The following DOK5 variants were observed in gnomAD, a reference collection of about 807,000 sequenced individuals.
DOK5 encodes the protein docking protein 5, also known as downstream of tyrosine kinase 5.
Under a neutral mutation model 43.3 loss-of-function variants are expected in DOK5, and 27 were observed. The ratio of observed to expected loss-of-function variants is 0.62; its 90% CI spans 0.46 to 0.86. The LOEUF is 0.86. Among genes scored for constraint, DOK5 ranks in the 40% least tolerant of loss-of-function variants. The pLI is 0.00. For synonymous variants in DOK5, 146 were observed against 140.1 expected (o/e 1.04, Z -0.30); for missense variants, 373 against 392.9 (o/e 0.95, Z 0.43).
Position 54,555,040 on chromosome 20 carries a change from G to A in DOK5, c.174G>A (p.Lys58=). 3.1e-6 allele frequency: 5 copies of A among 1,601,702 alleles called. No individual in the cohort carries two copies. Among genetic ancestry groups the A allele is most frequent in the Non-Finnish European group, 4.3e-6 (5 of 1,168,760 alleles). Residue 58 remains lysine, a splice_region_variant and synonymous_variant, in exon 2 of 8, where the codon AAG becomes AAA. Transcript: ENST00000262593. ...CTGCATATTTCAGGTGTTATCATAAGGTAAGACTCAATTGCTGTAGCTTTC... is the reference window on the plus strand; with the variant it reads ...CTGCATATTTCAGGTGTTATCATAAAGTAAGACTCAATTGCTGTAGCTTTC... The part of the protein sequence containing the change: ...ERAAYFRCYH[K]VTELNNVKNV...
Position 54,613,192 on chromosome 20 carries a change from A to ATCTCTCTC in DOK5, c.735+2688_735+2695dup, listed in dbSNP as rs11468450. Among the ~76,000 whole-genome samples, 6 of 143,088 alleles carry ATCTCTCTC rather than the reference A, an allele frequency of 4.2e-5. 1 individual carries two copies. The highest frequency in any genetic ancestry group is 1.3e-4 in the African/African-American group (5 of 39,972). The allele number at this position is 143,088 out of a possible 152,430, so 93.9% of individuals were successfully genotyped here. ...CTAAGCCCATTTACATCTGCGCCTC[A>ATCTCTCTC]TCTCTCTCTCTCTCTCTCTCTCTCT... On this transcript the variant is annotated intron_variant, in intron 6 of 7. Transcript: ENST00000262593.
At chr20:54,622,943 T>C (rs1987028216) in intron 6 of DOK5, among the ~76,000 whole-genome samples, 1 of 152,062 alleles carries the variant, frequency 6.6e-6, no homozygotes, top group Non-Finnish European at 1.5e-5. Flanking sequence ...TTTGAAATGG[T>C]GGTAGCAGGG....
intron 2 of DOK5, among the ~76,000 whole-genome samples, chr20:54,561,370 G>GT (rs905068648): frequency 2.0e-5 from 3 of 152,200 alleles, no homozygotes; most frequent in Non-Finnish European, 4.4e-5. Flanking sequence ...AGAGAGATAT[G>GT]TTCCTGCAAC....
rs551608074 is a variant in DOK5 at position 54,514,688 on chromosome 20, G to A, written c.66+38676G>A. Among the ~76,000 whole-genome samples, 5 of 149,904 alleles carry A rather than the reference G, an allele frequency of 3.3e-5. No homozygotes were observed. In the East Asian group the frequency reaches 9.9e-4, roughly 30 times the overall value. On this transcript the variant is annotated intron_variant, in intron 1 of 7. Coordinates refer to ENST00000262593, the MANE Select transcript of DOK5 (RefSeq NM_018431.5). The stretch of plus-strand genomic sequence containing the variant: ...GAGGAGGAATATGGTGTCTCTTTGG[G>A]ACTTGAGGTCATGTAAAACTGATGT...
At chr20:54,519,170 C>A (rs1157684345) in intron 1 of DOK5, among the ~76,000 whole-genome samples, 1 of 152,192 alleles carries the variant, frequency 6.6e-6, no homozygotes, top group African/African-American at 2.4e-5. Flanking sequence ...AATGCTCCAA[C>A]ATAAGTTTGA....
rs1421947704 is a variant in DOK5, at chr20:54,591,715, A to G, written c.509A>G (p.Gln170Arg). Residue 170 changes from glutamine (Q) to arginine (R), a missense_variant, in exon 5 of 8, where the codon CAG (glutamine) becomes CGG (arginine). Transcript: ENST00000262593. ...GAGTATATCTGTCTTTGGGACGTCC[A>G]GAATCCCAGAGTCAAACTCATCTCT... Reference protein sequence around the residue: ...TYEYICLWDVQNPRVKLISWP... With the variant: ...TYEYICLWDVRNPRVKLISWP... The G allele has an allele frequency of 3.1e-6, 5 of 1,614,138 alleles. No individual in the cohort carries two copies. Among genetic ancestry groups the G allele is most frequent in the Non-Finnish European group, 4.2e-6 (5 of 1,180,042 alleles).
intron 5 of DOK5, among the ~76,000 whole-genome samples, chr20:54,605,037 A>C (rs570242430): frequency 6.9e-6 from 1 of 144,732 alleles, no homozygotes; most frequent in South Asian, 2.1e-4. Flanking sequence ...ACACACACAC[A>C]CACACACACG....
intron 1 of DOK5, among the ~76,000 whole-genome samples, chr20:54,548,931 A>C (rs1372754730): frequency 6.6e-6 from 1 of 152,198 alleles, no homozygotes; most frequent in Non-Finnish European, 1.5e-5. Context: ...GTGTGCTGGC[A>C]GTTGAAATTG....
chr20:54,647,942 G>C (rs1202575246), intron 7 of DOK5, among the ~76,000 whole-genome samples: 1 of 152,108 alleles, frequency 6.6e-6, no homozygotes, highest in African/African-American at 2.4e-5. Flanking sequence ...ATCATTACGA[G>C]GGAGACAAGC....
Position 54,510,577 on chromosome 20 carries a change from G to C in DOK5, c.66+34565G>C, listed in dbSNP as rs146560495. Among the ~76,000 whole-genome samples, 280 of 152,302 alleles carry C rather than the reference G, an allele frequency of 1.8e-3. 6 individuals are homozygous for C. The highest frequency in any genetic ancestry group is 0.017 in the Admixed American group (256 of 15,286). ...ATATTATTGAAACATTGAGAGAAAT[G>C]TTGTGGGGGGTTTTAAAATAAATTC... On this transcript the variant is annotated intron_variant, in intron 1 of 7. Coordinates refer to ENST00000262593, the MANE Select transcript of DOK5 (RefSeq NM_018431.5).
intron 6 of DOK5, among the ~76,000 whole-genome samples, chr20:54,618,150 G>T (rs529003731): frequency 6.6e-6 from 1 of 152,308 alleles, no homozygotes; most frequent in African/African-American, 2.4e-5. Flanking sequence ...CTATGATATA[G>T]ATGAGAAAAG....
At chr20:54,638,108 C>T (rs1350129635) in intron 6 of DOK5, among the ~76,000 whole-genome samples, 30 of 121,796 alleles carry the variant, frequency 2.5e-4, no homozygotes, top group African/African-American at 9.6e-4. Flanking sequence ...GGTGACAGAG[C>T]GAGACTCTGT....
chr20:54,592,946 TA>T (rs1424010355), intron 5 of DOK5, among the ~76,000 whole-genome samples: 1 of 151,942 alleles, frequency 6.6e-6, no homozygotes. Context: ...TGATGTTAAA[TA>T]AAAATTGCTT....
intron 1 of DOK5, among the ~76,000 whole-genome samples, chr20:54,532,858 T>G (rs561931786): frequency 2.2e-4 from 34 of 152,302 alleles, no homozygotes; most frequent in Non-Finnish European, 5.9e-5. Flanking sequence ...GCTACCTAAG[T>G]TTGAAAATGC....
intron 5 of DOK5, among the ~76,000 whole-genome samples, chr20:54,609,184 C>A (rs1004738429): frequency 2.0e-5 from 3 of 152,148 alleles, no homozygotes; most frequent in African/African-American, 7.2e-5. Context: ...AAAAAAATAA[C>A]AGTGGTTTAG....
chr20:54,550,625 A>G (rs1266369464), intron 1 of DOK5, among the ~76,000 whole-genome samples: 1 of 152,202 alleles, frequency 6.6e-6, no homozygotes, highest in Non-Finnish European at 1.5e-5. Flanking sequence ...TGCTATACAA[A>G]TGCAATCATG....
chr20:54,530,997 C>T (rs1384698141), intron 1 of DOK5, among the ~76,000 whole-genome samples: 2 of 152,180 alleles, frequency 1.3e-5, no homozygotes, highest in Non-Finnish European at 2.9e-5. Flanking sequence ...CTGAACCACA[C>T]TCCTATGTGT....
rs144418992 is a variant in DOK5 at position 54,574,145 on chromosome 20, G to A, written c.175-14338G>A. On this transcript the variant is annotated intron_variant, in intron 2 of 7. Coordinates refer to ENST00000262593, the MANE Select transcript of DOK5 (RefSeq NM_018431.5). ...TGCAAGTCTCTGTTGAAGGAAGGAC[G>A]CTGTGCTGCCTGGGGAGGTTTTGAA... Among the ~76,000 whole-genome samples the A allele has an allele frequency of 5.3e-5, 8 of 152,236 alleles. No individual in the cohort carries two copies. In the East Asian group the frequency reaches 5.8e-4, roughly 11 times the overall value.
intron 1 of DOK5, among the ~76,000 whole-genome samples, chr20:54,481,067 TCATCTATCTATCTATCATCTAC>T: frequency 1.6e-5 from 2 of 127,376 alleles, no homozygotes; most frequent in African/African-American, 3.5e-5. Flanking sequence ...CATCTATCTA[TCATCTATCTATCTATCATCTAC>T]CATCTATCTA....
Sources: gnomAD v4.1 joint callset for allele counts (sites outside exome capture counted in the v4.1 genomes callset) on GRCh38, gnomAD v4.1.1 for gene constraint, MANE v1.5 for transcripts, NCBI Gene and HGNC (gene_info 2026-07-23, HGNC 2026-07-21) for gene names.